TDRD9: variants seen among roughly 807,000 people sequenced by gnomAD.
The protein encoded by TDRD9 is ATP-dependent RNA helicase TDRD9.
TDRD9 carries 124 observed loss-of-function variants against 172.6 expected under a neutral mutation model. The observed-to-expected ratio is 0.72, with a 90% CI of 0.62 to 0.83. The LOEUF (loss-of-function observed/expected upper bound fraction) is 0.83. Ranked by LOEUF, TDRD9 falls within the 40% of genes least tolerant of loss-of-function variation. The pLI is 0.00. For synonymous variants in TDRD9, 619 were observed against 617.1 expected, an observed-to-expected ratio of 1.00 and a Z score of -0.05; for missense variants, 1,479 against 1,714.1, an observed-to-expected ratio of 0.86 and a Z score of 2.42.
intron 1 of TDRD9, among the ~76,000 whole-genome samples, chr14:103,944,933 C>T (rs1319455482): frequency 6.6e-6 from 1 of 152,158 alleles, no homozygotes; most frequent in East Asian, 1.9e-4. Context: ...TGCTGGCTTT[C>T]AGTCACTTAA....
intron 5 of TDRD9, among the ~76,000 whole-genome samples, chr14:103,969,030 G>C (rs1220326257): frequency 2.0e-5 from 3 of 149,954 alleles, no homozygotes; most frequent in Non-Finnish European, 4.4e-5. Context: ...AACCCGGGAG[G>C]CGGAGCTTGC....
At chr14:103,966,598 T>G in intron 4 of TDRD9, 111 bp from the exon 5 acceptor site, 1 of 1,107,782 alleles carries the variant, frequency 9.0e-7, no homozygotes, top group Non-Finnish European at 1.2e-6. Flanking sequence ...CCTGTGTATC[T>G]TTCGAAATAC....
At chr14:103,991,125 T>G in intron 8 of TDRD9, 35 bp from the exon 9 acceptor site, 4 of 1,613,100 alleles carry the variant, frequency 2.5e-6, no homozygotes, top group Non-Finnish European at 2.5e-6. Context: ...GTTATTAGCC[T>G]TCATTAATAT....
At chr14:104,049,962 C>T (rs546928215) in intron 35 of TDRD9, 16 of 351,794 alleles carry the variant, frequency 4.5e-5, no homozygotes, top group African/African-American at 3.1e-4. Context: ...ATTGAACCTT[C>T]CTGCTCTTGT....
intron 28 of TDRD9, among the ~76,000 whole-genome samples, chr14:104,028,769 A>G (rs571859007): frequency 1.1e-4 from 17 of 152,142 alleles, no homozygotes; most frequent in Non-Finnish European, 1.6e-4. Context: ...AGTGTACTAA[A>G]GTATTTCTCC....
rs2030607864 is a variant in TDRD9, at chr14:103,934,327, A to G, written c.215+5603A>G. On this transcript the variant is annotated intron_variant, in intron 1 of 35. Transcript: ENST00000409874. ...TGCCCTGGCCAAAGTCCACATTTTT[A>G]AGACCTTTTGGTCGTTTAACAGATT... 2.0e-5 allele frequency among the ~76,000 whole-genome samples: 3 copies of G among 152,380 alleles called. No individual in the cohort carries two copies. The South Asian group carries it at 6.2e-4, about 32-fold the overall frequency.
In TDRD9 at chr14:104,052,648, C is replaced by T. The variant is rs1228342410; in HGVS notation, c.*566C>T. 6.6e-6 allele frequency: 1 copy of T among 152,160 alleles called. No homozygotes were observed. Among genetic ancestry groups the T allele is most frequent in the Non-Finnish European group, 1.5e-5 (1 of 68,084 alleles). 9.4% of individuals were successfully genotyped at this position (152,160 alleles called of 1,614,324 possible). ...TGGCCATAGCTTATCTGTGTTAAAA[C>T]AATAAAAGCATTAAATGAAGTTTCT... On this transcript the variant is annotated 3_prime_UTR_variant, in exon 36 of 36. Coordinates refer to ENST00000409874, the MANE Select transcript of TDRD9 (RefSeq NM_153046.3).
chr14:104,039,544 T>C (rs190039480), intron 32 of TDRD9, among the ~76,000 whole-genome samples: 3 of 152,256 alleles, frequency 2.0e-5, no homozygotes, highest in Admixed American at 1.3e-4. Flanking sequence ...GGAGAAAAGA[T>C]TGGAAGAGGC....
chr14:103,939,582 G>C (rs1163229929), intron 1 of TDRD9, among the ~76,000 whole-genome samples: 6 of 149,352 alleles, frequency 4.0e-5, no homozygotes, highest in African/African-American at 1.5e-4. Flanking sequence ...GATCAGGTGG[G>C]TTGCATTACG....
rs988160737 is a variant in TDRD9, at chr14:103,928,483, G to A, written c.-27G>A. The A allele has an allele frequency of 1.8e-5, 26 of 1,430,218 alleles. No individual in the cohort carries two copies. In the African/African-American group the frequency reaches 3.5e-4, roughly 19 times the overall value. 88.6% of individuals were successfully genotyped at this position (1,430,218 alleles called of 1,614,324 possible). On this transcript the variant is annotated 5_prime_UTR_variant, in exon 1 of 36. Coordinates refer to ENST00000409874, the MANE Select transcript of TDRD9 (RefSeq NM_153046.3). ...TCCCGCCGCGGAGACCCGGCAGTTGGGGGATGCCGACGCCTGGGCCTTGAG... is the reference window on the plus strand; with the variant it reads ...TCCCGCCGCGGAGACCCGGCAGTTGAGGGATGCCGACGCCTGGGCCTTGAG...
Position 103,965,471 on chromosome 14 carries a change from C to T in TDRD9, c.559C>T (p.Pro187Ser), listed in dbSNP as rs1393892937. 7 of 1,550,732 alleles carry T rather than the reference C, an allele frequency of 4.5e-6. No homozygotes were observed. The East Asian group carries it at 1.2e-4, about 27-fold the overall frequency. ...CTACTGCAGCATTGTGGTCACCCAG[C>T]CCCGGAAGATAGGGGCAAGCAGCAT... The part of the protein sequence containing the change: ...SAYCSIVVTQ[P>S]RKIGASSIAR... The change falls in exon 4 of 36, where the codon CCC becomes TCC. Residue 187 changes from proline to serine, a missense_variant. By Grantham distance (74) the Pro-to-Ser change is moderately conservative. Around this residue, in one of 3 missense-constraint regions of TDRD9, gnomAD observed 1,413 missense variants for 1,649.1 expected, o/e 0.86. Coordinates refer to ENST00000409874, the MANE Select transcript of TDRD9 (RefSeq NM_153046.3).
chr14:103,943,420 TA>T (rs1474507776), intron 1 of TDRD9, among the ~76,000 whole-genome samples: 5 of 150,780 alleles, frequency 3.3e-5, no homozygotes, highest in Admixed American at 3.3e-4. Context: ...TATATACACA[TA>T]AGTATATATA....
chr14:104,044,076 G>A (rs1265422387), intron 34 of TDRD9, among the ~76,000 whole-genome samples: 1 of 152,152 alleles, frequency 6.6e-6, no homozygotes, highest in South Asian at 2.1e-4. Context: ...GGGCTCTCCT[G>A]CTGCCACATA....
Position 104,029,348 on chromosome 14 carries a change from A to G in TDRD9, c.3283-1760A>G, listed in dbSNP as rs141124554. On this transcript the variant is annotated intron_variant, in intron 28 of 35. Transcript: ENST00000409874. ...GTCTTAATCATTTGTGTCCTCTTCAATTGCTTTAATTGATATTTTGTAGTT... is the reference window on the plus strand; with the variant it reads ...GTCTTAATCATTTGTGTCCTCTTCAGTTGCTTTAATTGATATTTTGTAGTT... Among the ~76,000 whole-genome samples the G allele has an allele frequency of 1.4e-4, 22 of 152,258 alleles. No individual in the cohort carries two copies. In the East Asian group the frequency reaches 2.1e-3, roughly 15 times the overall value.
chr14:103,983,293 C>T (rs2033550590), intron 7 of TDRD9, among the ~76,000 whole-genome samples: 1 of 151,880 alleles, frequency 6.6e-6, no homozygotes, highest in Non-Finnish European at 1.5e-5. Flanking sequence ...GAACTCCTGA[C>T]CTCAAATGAT....
intron 7 of TDRD9, 41 bp downstream of exon 7, chr14:103,975,594 C>G (rs1200154848): frequency 6.5e-7 from 1 of 1,538,852 alleles, no homozygotes; most frequent in African/African-American, 1.4e-5. Context: ...TGAGCGTACT[C>G]TTGTATTGGA....
chr14:104,022,717 A>G (rs1267965544), intron 24 of TDRD9, among the ~76,000 whole-genome samples: 1 of 143,946 alleles, frequency 6.9e-6, no homozygotes, highest in Admixed American at 7.2e-5. Context: ...ACAGAACAAG[A>G]CGCTGTCTTA....
At chr14:103,967,268 C>G (rs982097729) in intron 5 of TDRD9, among the ~76,000 whole-genome samples, 3 of 133,630 alleles carry the variant, frequency 2.2e-5, no homozygotes, top group Non-Finnish European at 4.6e-5. Flanking sequence ...TCTGGGAGGC[C>G]AAGGTGGGTG....
chr14:103,938,440 A>ATAT (rs1334417901), intron 1 of TDRD9, among the ~76,000 whole-genome samples: 5 of 44,544 alleles, frequency 1.1e-4, no homozygotes, highest in African/African-American at 4.6e-4. Context: ...ATATATATAT[A>ATAT]TTTTTTTTTT....
Sources: gnomAD v4.1 joint callset for allele counts (sites outside exome capture counted in the v4.1 genomes callset) on GRCh38, gnomAD v4.1.1 for gene constraint, gnomAD v4.1.1 regional missense constraint, MANE v1.5 for transcripts, NCBI Gene and HGNC (gene_info 2026-07-23, HGNC 2026-07-21) for gene names.